Variants in SPECC1 observed in about 807,000 individuals in gnomAD.
The protein encoded by SPECC1 is cytospin-B.
In SPECC1, 62 loss-of-function variants were observed where a neutral mutation model predicts 104.1. The observed-to-expected ratio is 0.60, with a 90% CI of 0.49 to 0.74. The LOEUF is 0.74. Ranked by LOEUF, SPECC1 falls within the 30% of genes least tolerant of loss-of-function variation. The probability of loss-of-function intolerance (pLI) is 0.00; values close to 1 mark genes in which losing one functional copy is unlikely to be tolerated. For synonymous variants in SPECC1, 513 were observed against 501.6 expected (o/e 1.02, Z -0.30); for missense variants, 1,306 against 1,310.5 (o/e 1.00, Z 0.05).
chr17:20,262,238 G>A (rs2040052681), intron 12 of SPECC1, among the ~76,000 whole-genome samples: 1 of 152,106 alleles, frequency 6.6e-6, no homozygotes, highest in Non-Finnish European at 1.5e-5. Flanking sequence ...TTTCTAGTTT[G>A]GAGCTATTAT....
At chr17:20,128,518 TG>T (rs1266998631) in intron 3 of SPECC1, among the ~76,000 whole-genome samples, 1 of 152,098 alleles carries the variant, frequency 6.6e-6, no homozygotes, top group African/African-American at 2.4e-5. Context: ...GGGGCAAGAG[TG>T]CAGCGGGGGC....
intron 1 of SPECC1, among the ~76,000 whole-genome samples, chr17:20,087,612 C>A (rs1347410301): frequency 7.2e-5 from 11 of 151,888 alleles, no homozygotes; most frequent in Admixed American, 6.6e-4. Context: ...CAGGGAGGCA[C>A]CCATATGCAT....
chr17:20,082,162 G>A (rs1286095885), intron 1 of SPECC1, among the ~76,000 whole-genome samples: 1 of 152,158 alleles, frequency 6.6e-6, no homozygotes, highest in African/African-American at 2.4e-5. Flanking sequence ...CTGCTTTTGG[G>A]GGTGCTCCTC....
chr17:20,169,486 C>A (rs1030424703), intron 3 of SPECC1, among the ~76,000 whole-genome samples: 1 of 151,258 alleles, frequency 6.6e-6, no homozygotes, highest in African/African-American at 2.4e-5. Flanking sequence ...CTTCACCTTA[C>A]AATAAACTGT....
intron 3 of SPECC1, among the ~76,000 whole-genome samples, chr17:20,156,694 C>T (rs1194755528): frequency 1.3e-5 from 2 of 152,200 alleles, no homozygotes; most frequent in African/African-American, 2.4e-5. Flanking sequence ...CTGTTCCTAA[C>T]CCAGAATAGT....
intron 4 of SPECC1, among the ~76,000 whole-genome samples, chr17:20,212,777 C>T (rs1048097758): frequency 3.9e-5 from 6 of 152,164 alleles, no homozygotes; most frequent in Admixed American, 6.5e-5. Context: ...TCAGTAAATA[C>T]TTTTCAGACG....
Position 20,181,000 on chromosome 17 carries a change from A to T in SPECC1, c.284-23333A>T, listed in dbSNP as rs540623338. Among the ~76,000 whole-genome samples, 475 of 17,330 alleles carry T rather than the reference A, an allele frequency of 0.027. 4 individuals carry two copies. In the African/African-American group the frequency reaches 0.38, roughly 14 times the overall value. 11.4% of individuals were successfully genotyped at this position (17,330 alleles called of 152,430 possible). ...CTGTCAGTCCAGTGAAATTAGTGGT[A>T]AAAAAAAAGAGATGATTATAACAAC... On this transcript the variant is annotated intron_variant, in intron 3 of 14. Coordinates refer to ENST00000395527, the MANE Select transcript of SPECC1 (RefSeq NM_001243439.2).
chr17:20,237,583 G>C (rs1052266994), intron 7 of SPECC1: 3 of 195,370 alleles, frequency 1.5e-5, no homozygotes, highest in African/African-American at 6.9e-5. Context: ...AAAGTGCTGG[G>C]ATTACAGACA....
At chr17:20,297,464 C>G (rs531433672) in intron 13 of SPECC1, among the ~76,000 whole-genome samples, 1 of 152,372 alleles carries the variant, frequency 6.6e-6, no homozygotes, top group Non-Finnish European at 1.5e-5. Context: ...ATTAAGAAAT[C>G]TATGTGACTG....
intron 3 of SPECC1, among the ~76,000 whole-genome samples, chr17:20,129,834 A>C (rs1053273465): frequency 6.6e-6 from 1 of 151,928 alleles, no homozygotes; most frequent in Admixed American, 6.6e-5. Context: ...GCTCACTGCA[A>C]CCTCTGCCTC....
chr17:20,231,373 C>T (rs1386345227), intron 5 of SPECC1, among the ~76,000 whole-genome samples: 1 of 152,208 alleles, frequency 6.6e-6, no homozygotes, highest in Admixed American at 6.5e-5. Context: ...GTGAAAGCCT[C>T]TATCTCACAG....
intron 9 of SPECC1, among the ~76,000 whole-genome samples, chr17:20,251,357 A>G (rs1359057769): frequency 6.6e-6 from 1 of 152,156 alleles, no homozygotes; most frequent in East Asian, 1.9e-4. Context: ...TTAATCTGAT[A>G]AAGGGTCTGT....
intron 1 of SPECC1, among the ~76,000 whole-genome samples, chr17:20,025,898 C>T (rs1246186201): frequency 6.6e-6 from 1 of 152,060 alleles, no homozygotes; most frequent in African/African-American, 2.4e-5. Context: ...TCTAGCCATC[C>T]TAGTGCATAT....
rs1324317990 is a variant in SPECC1 at position 20,205,641 on chromosome 17, A to G, written c.1592A>G (p.Asn531Ser). ...EFLELERHNN[N>S]MMAKTLEECR... ...CTAGAACTGGAACGGCATAATAATA[A>G]CATGATGGCCAAAACTTTGGAAGAG... The change falls in exon 4 of 15, where the codon AAC (asparagine) becomes AGC (serine). Residue 531 changes from asparagine to serine, a missense_variant. Physicochemically the swap from Asn to Ser is conservative, Grantham distance 46. Coordinates refer to ENST00000395527, the MANE Select transcript of SPECC1 (RefSeq NM_001243439.2). The G allele has an allele frequency of 6.8e-6, 11 of 1,614,094 alleles. No homozygotes were observed. Among genetic ancestry groups the G allele is most frequent in the Non-Finnish European group, 7.6e-6 (9 of 1,180,044 alleles).
intron 1 of SPECC1, among the ~76,000 whole-genome samples, chr17:20,012,241 G>C (rs2043968561): frequency 6.6e-6 from 1 of 151,992 alleles, no homozygotes; most frequent in South Asian, 2.1e-4. Context: ...AGTATATTGG[G>C]TATACAGTTC....
intron 12 of SPECC1, among the ~76,000 whole-genome samples, chr17:20,277,024 G>A (rs9896221): frequency 0.71 from 107,826 of 152,186 alleles, 40,008 homozygotes; most frequent in East Asian, 0.99. Flanking sequence ...AAGACCTGGA[G>A]CAGATCTGGA....
intron 12 of SPECC1, among the ~76,000 whole-genome samples, chr17:20,264,714 C>A (rs1001023463): frequency 6.6e-6 from 1 of 151,884 alleles, no homozygotes; most frequent in Admixed American, 6.6e-5. Context: ...TCAGGTGATC[C>A]GCCCACCTTG....
intron 3 of SPECC1, among the ~76,000 whole-genome samples, chr17:20,172,672 T>G (rs2034177337): frequency 6.6e-6 from 1 of 151,646 alleles, no homozygotes; most frequent in Non-Finnish European, 1.5e-5. Context: ...GGAGGAAGAG[T>G]GAGGACTGAA....
intron 9 of SPECC1, among the ~76,000 whole-genome samples, chr17:20,252,386 A>AG (rs1285388618): frequency 1.3e-5 from 2 of 152,170 alleles, no homozygotes; most frequent in Admixed American, 6.5e-5. Flanking sequence ...TAGTGAGCAT[A>AG]GTACCCAACA....
Sources: allele counts gnomAD v4.1 joint callset (sites outside exome capture counted in the v4.1 genomes callset), GRCh38; gene constraint gnomAD v4.1.1; transcripts MANE v1.5; gene names NCBI Gene and HGNC (gene_info 2026-07-23, HGNC 2026-07-21).